Variants in GNAZ observed in about 807,000 individuals in gnomAD.
GNAZ encodes the protein G protein subunit alpha z.
A neutral mutation model predicts 25.4 loss-of-function variants in GNAZ; 3 were observed. That is an observed-to-expected ratio of 0.12 (90% confidence interval 0.05 to 0.30). GNAZ has a LOEUF of 0.30. GNAZ is among the 10% of genes least tolerant of loss of function. The pLI is 1.00. For missense variants in GNAZ, 241 were observed against 501.8 expected, an observed-to-expected ratio of 0.48 and a Z score of 4.97; for synonymous variants, 211 against 205.7, an observed-to-expected ratio of 1.03 and a Z score of -0.22.
intron 2 of GNAZ, among the ~76,000 whole-genome samples, chr22:23,099,328 G>C (rs5759587): frequency 0.39 from 59,883 of 152,180 alleles, 12,896 homozygotes; most frequent in East Asian, 0.6. Context: ...CCCCTCCATG[G>C]CCACGGTTCC....
intron 2 of GNAZ, among the ~76,000 whole-genome samples, chr22:23,119,318 A>G (rs567128965): frequency 6.6e-6 from 1 of 152,362 alleles, no homozygotes; most frequent in East Asian, 1.9e-4. Context: ...CCTCCTCTGC[A>G]GTTGATCTTT....
chr22:23,109,012 T>G (rs1241214625), intron 2 of GNAZ, among the ~76,000 whole-genome samples: 1 of 152,196 alleles, frequency 6.6e-6, no homozygotes, highest in Non-Finnish European at 1.5e-5. Flanking sequence ...CAGGGGAGGC[T>G]GGGCCTGAAG....
At chr22:23,072,054 C>T (rs1292137491) in intron 1 of GNAZ, among the ~76,000 whole-genome samples, 1 of 152,118 alleles carries the variant, frequency 6.6e-6, no homozygotes. Flanking sequence ...ACCCCATGAG[C>T]TGGGGTGGGC....
At chr22:23,076,301 C>T (rs138738875) in intron 1 of GNAZ, among the ~76,000 whole-genome samples, 7 of 152,304 alleles carry the variant, frequency 4.6e-5, no homozygotes, top group East Asian at 3.9e-4. Context: ...AGGGCAGGGA[C>T]GTTGCGGAGT....
intron 2 of GNAZ, 71 bp downstream of exon 2, chr22:23,096,489 G>A: frequency 6.7e-7 from 1 of 1,482,522 alleles, no homozygotes; most frequent in Non-Finnish European, 9.1e-7. Flanking sequence ...GAGGACTCGT[G>A]AGGTCCAGGA....
At chr22:23,078,208 G>A (rs933120305) in intron 1 of GNAZ, among the ~76,000 whole-genome samples, 3 of 152,248 alleles carry the variant, frequency 2.0e-5, no homozygotes, top group African/African-American at 7.2e-5. Context: ...ATTTCTCGAT[G>A]AAATGCTGGG....
chr22:23,083,282 C>T (rs2068729589), intron 1 of GNAZ, among the ~76,000 whole-genome samples: 1 of 151,798 alleles, frequency 6.6e-6, no homozygotes, highest in Admixed American at 6.6e-5. Flanking sequence ...CAGAGGGGTC[C>T]CAGGGGAATC....
At chr22:23,120,481 C>A (rs1455903009) in intron 2 of GNAZ, among the ~76,000 whole-genome samples, 1 of 152,170 alleles carries the variant, frequency 6.6e-6, no homozygotes, top group African/African-American at 2.4e-5. Flanking sequence ...GACCAGTACA[C>A]GTGAACTGTT....
chr22:23,116,053 ACAGT>A (rs1451469394), intron 2 of GNAZ, among the ~76,000 whole-genome samples: 1 of 152,218 alleles, frequency 6.6e-6, no homozygotes, highest in Non-Finnish European at 1.5e-5. Flanking sequence ...AAACAACAAA[ACAGT>A]CAAACAGGTG....
At position 23,120,835 on chromosome 22, in the gene GNAZ, G is replaced by T. The variant is rs377152374; in HGVS notation, c.724-2252G>T. The stretch of plus-strand genomic sequence containing the variant: ...ATCACCTGGCATGAGAGCTGATGTG[G>T]ACTCAGGGCGCGCTCAGCAAGTGTT... On this transcript the variant is annotated intron_variant, in intron 2 of 2. Coordinates refer to ENST00000615612, the MANE Select transcript of GNAZ (RefSeq NM_002073.4). 5.9e-5 allele frequency among the ~76,000 whole-genome samples: 9 copies of T among 152,308 alleles called. No individual in the cohort carries two copies. The East Asian group carries it at 1.4e-3, about 23-fold the overall frequency.
intron 2 of GNAZ, among the ~76,000 whole-genome samples, chr22:23,099,088 C>T (rs1036122500): frequency 6.6e-6 from 1 of 152,238 alleles, no homozygotes; most frequent in Non-Finnish European, 1.5e-5. Context: ...TCCAAGGCCT[C>T]ATCTTCCCTG....
At position 23,071,162 on chromosome 22, in the gene GNAZ, C is replaced by T. The variant is rs967138886; in HGVS notation, c.-450+592C>T. On this transcript the variant is annotated intron_variant, in intron 1 of 2. Coordinates refer to ENST00000615612, the MANE Select transcript of GNAZ (RefSeq NM_002073.4). This position sits in a 1 kb window ranked among gnomAD's most constrained non-coding sequence, Gnocchi z 4.1. Reference sequence around the variant, plus strand: ...GGAAGAGATGAGTATCGACCTGCTGCGATTGTAATACGTTCCCGGCTCAAT... The same window carrying T: ...GGAAGAGATGAGTATCGACCTGCTGTGATTGTAATACGTTCCCGGCTCAAT... 1.3e-5 allele frequency among the ~76,000 whole-genome samples: 2 copies of T among 151,918 alleles called. No individual in the cohort carries two copies. Among genetic ancestry groups the T allele is most frequent in the African/African-American group, 2.4e-5 (1 of 41,316 alleles).
intron 2 of GNAZ, among the ~76,000 whole-genome samples, chr22:23,116,312 C>T (rs898609629): frequency 3.3e-5 from 5 of 152,220 alleles, no homozygotes; most frequent in Non-Finnish European, 7.3e-5. Flanking sequence ...GAAAAAGACA[C>T]CTGGGTCATG....
chr22:23,107,619 G>A (rs561363209), intron 2 of GNAZ, among the ~76,000 whole-genome samples: 2 of 152,218 alleles, frequency 1.3e-5, no homozygotes, highest in East Asian at 3.9e-4. Context: ...AAGCTGGGGC[G>A]GGAGCAGGGG....
chr22:23,104,058 C>T (rs964666255), intron 2 of GNAZ, among the ~76,000 whole-genome samples: 10 of 150,580 alleles, frequency 6.6e-5, no homozygotes, highest in African/African-American at 2.0e-4. Flanking sequence ...TTGGGATGAA[C>T]GTGGGGGTGG....
chr22:23,113,664 C>T (rs1426750919), intron 2 of GNAZ, among the ~76,000 whole-genome samples: 1 of 152,224 alleles, frequency 6.6e-6, no homozygotes, highest in Non-Finnish European at 1.5e-5. Context: ...CACCACAGGC[C>T]CCTCCACTCG....
intron 1 of GNAZ, among the ~76,000 whole-genome samples, chr22:23,086,374 A>G (rs937291364): frequency 6.6e-6 from 1 of 152,224 alleles, no homozygotes; most frequent in African/African-American, 2.4e-5. Flanking sequence ...TGCTTTTAGC[A>G]TGAGATGACG....
In GNAZ at chr22:23,124,322, T is replaced by G. The variant is rs1479621096; in HGVS notation, c.*891T>G. On this transcript the variant is annotated 3_prime_UTR_variant, in exon 3 of 3. Transcript: ENST00000615612. ...TTAAATGCAGATTTTCAAAACATAT[T>G]TTTTTTCAGGTGGTCTTTTTTGTGT... 1 of 393,670 alleles carries G rather than the reference T, an allele frequency of 2.5e-6. No individual in the cohort carries two copies. The allele number at this position is 393,670 out of a possible 1,614,324, so 24.4% of individuals were successfully genotyped here. A position where few individuals can be genotyped will look rare whatever the true frequency, so the allele number is the denominator to read the frequency against.
chr22:23,090,852 C>T lies in GNAZ; in HGVS notation c.-449-4395C>T, dbSNP rs1451471830. On this transcript the variant is annotated intron_variant, in intron 1 of 2. Transcript: ENST00000615612. Reference sequence around the variant, plus strand: ...GCCTGTAGTCTGACTCCTGCCCTCCCACCTGAGCAAAAATAGGGAATAGAT... The same window carrying T: ...GCCTGTAGTCTGACTCCTGCCCTCCTACCTGAGCAAAAATAGGGAATAGAT... Among the ~76,000 whole-genome samples, 5 of 152,332 alleles carry T rather than the reference C, an allele frequency of 3.3e-5. No individual in the cohort carries two copies. In the South Asian group the frequency reaches 1.0e-3, roughly 32 times the overall value.
Sources: gnomAD v4.1 joint callset for allele counts (sites outside exome capture counted in the v4.1 genomes callset) on GRCh38, gnomAD v4.1.1 for gene constraint, Gnocchi (gnomAD v3.1) non-coding constraint, MANE v1.5 for transcripts, NCBI Gene and HGNC (gene_info 2026-07-23, HGNC 2026-07-21) for gene names.